ATG7: variants seen among roughly 807,000 people sequenced by gnomAD.
The protein encoded by ATG7 is autophagy related 7, also known as ubiquitin-like modifier-activating enzyme ATG7.
ATG7 carries 70 observed loss-of-function variants against 82.4 expected under a neutral mutation model. That is an observed-to-expected ratio of 0.85 (90% CI 0.70 to 1.04). ATG7 has a LOEUF of 1.04. ATG7 is among the 50% of genes least tolerant of loss of function. The pLI is 0.00. For missense variants in ATG7, 792 were observed against 864.3 expected (o/e 0.92, Z 1.05); for synonymous variants, 287 against 313.0 (o/e 0.92, Z 0.88).
At chr3:11,545,990 T>A (rs1385991141) in intron 20 of ATG7, among the ~76,000 whole-genome samples, 10 of 152,042 alleles carry the variant, frequency 6.6e-5, no homozygotes, top group African/African-American at 2.2e-4. Flanking sequence ...TATAAAAAAT[T>A]AGCTGGTTGT....
At chr3:11,558,843 AAGGC>A, downstream of ATG7, 1 of 1,608,398 alleles carries the variant, frequency 6.2e-7, no homozygotes, top group Non-Finnish European at 8.5e-7. Context: ...GGCAAGCAGG[AAGGC>A]AGGCAGTCAG....
intron 3 of ATG7, among the ~76,000 whole-genome samples, chr3:11,296,406 G>A (rs531791932): frequency 6.6e-6 from 1 of 152,056 alleles, no homozygotes; most frequent in South Asian, 2.1e-4. Context: ...AAGATACCAA[G>A]TTAGGTCACC....
intron 20 of ATG7, among the ~76,000 whole-genome samples, chr3:11,493,800 A>G (rs947169661): frequency 2.0e-5 from 3 of 152,194 alleles, no homozygotes; most frequent in African/African-American, 4.8e-5. Context: ...TGCAAGCACA[A>G]TCTGGGGCAT....
intron 6 of ATG7, among the ~76,000 whole-genome samples, chr3:11,307,271 C>G (rs917503713): frequency 2.6e-5 from 4 of 152,308 alleles, no homozygotes; most frequent in Non-Finnish European, 5.9e-5. Context: ...CATCCAGGCT[C>G]TCACCTGGGA....
At chr3:11,560,415 G>T (rs2072878057), downstream of ATG7, among the ~76,000 whole-genome samples, 1 of 152,210 alleles carries the variant, frequency 6.6e-6, no homozygotes, top group African/African-American at 2.4e-5. Flanking sequence ...GGAGCTGGTT[G>T]AAATCACCCC....
intron 18 of ATG7, among the ~76,000 whole-genome samples, chr3:11,373,064 CT>C (rs371081519): frequency 2.7e-5 from 4 of 150,152 alleles, no homozygotes; most frequent in African/African-American, 9.8e-5. Context: ...AAAGAGTTAA[CT>C]TTTTTTTTGA....
intron 3 of ATG7, among the ~76,000 whole-genome samples, chr3:11,295,557 C>T (rs982777337): frequency 6.6e-6 from 1 of 152,152 alleles, no homozygotes; most frequent in African/African-American, 2.4e-5. Flanking sequence ...TTTAAGCAAT[C>T]TACAATGAAA....
chr3:11,284,966 C>T (rs796415452), intron 3 of ATG7, among the ~76,000 whole-genome samples: 14 of 151,736 alleles, frequency 9.2e-5, no homozygotes, highest in African/African-American at 3.1e-4. Context: ...CCTGCCTCAG[C>T]CTCCCAAGTA....
At chr3:11,518,233 A>G (rs2124889340) in intron 20 of ATG7, among the ~76,000 whole-genome samples, 1 of 136,078 alleles carries the variant, frequency 7.3e-6, no homozygotes, top group East Asian at 2.4e-4. Flanking sequence ...CTGAATGCCA[A>G]GGTCAAGACT....
chr3:11,576,032 TA>T, the ATG7 span, among the ~76,000 whole-genome samples: 1 of 152,256 alleles, frequency 6.6e-6, no homozygotes, highest in Non-Finnish European at 1.5e-5. Flanking sequence ...CAGAACTGTC[TA>T]CATGTGTTTT....
At chr3:11,455,946 T>C (rs1166457254) in intron 20 of ATG7, among the ~76,000 whole-genome samples, 1 of 152,248 alleles carries the variant, frequency 6.6e-6, no homozygotes, top group Non-Finnish European at 1.5e-5. Flanking sequence ...CCCGATGGCA[T>C]TGTCTATATT....
chr3:11,390,314 T>A (rs1229728949), intron 19 of ATG7, among the ~76,000 whole-genome samples: 3 of 152,212 alleles, frequency 2.0e-5, no homozygotes, highest in Non-Finnish European at 4.4e-5. Flanking sequence ...TAGACTAATG[T>A]CTGAGTAAGA....
intron 6 of ATG7, 108 bp downstream of exon 6, chr3:11,307,168 A>T (rs1414530523): frequency 1.0e-6 from 1 of 992,928 alleles, no homozygotes; most frequent in Non-Finnish European, 1.6e-6. Flanking sequence ...ATATGAAGGG[A>T]ACTTAAAGAC....
intron 20 of ATG7, chr3:11,477,172 G>A (rs984532895): frequency 2.3e-6 from 3 of 1,289,546 alleles, no homozygotes; most frequent in Non-Finnish European, 3.0e-6. Flanking sequence ...AGCAGGAGAG[G>A]CAGAACATAA....
chr3:11,285,171 C>CT (rs768654707), intron 3 of ATG7, among the ~76,000 whole-genome samples: 4,779 of 118,298 alleles, frequency 0.04, 139 homozygotes, highest in African/African-American at 0.065. Context: ...AAAGCCCGGC[C>CT]TTTTTTTTTT....
Position 11,556,927 on chromosome 3 carries a change from G to A in ATG7, c.*2084G>A, listed in dbSNP as rs1575329687. ...CTTTTCAAAGGCCTGCAGCCACTCT[G>A]TGACTACAAGAGCCAGTCCTCCGAC... On this transcript the variant is annotated 3_prime_UTR_variant, in exon 21 of 21. Coordinates refer to ENST00000693202, the MANE Select transcript of ATG7 (RefSeq NM_001349232.2). The A allele has an allele frequency of 1.3e-5, 2 of 152,750 alleles. No individual in the cohort carries two copies. Among genetic ancestry groups the A allele is most frequent in the Non-Finnish European group, 2.9e-5 (2 of 68,052 alleles). The allele number at this position is 152,750 out of a possible 1,614,324, so 9.5% of individuals were successfully genotyped here. A position where few individuals can be genotyped will look rare whatever the true frequency, so the allele number is the denominator to read the frequency against.
chr3:11,563,059 C>T, the ATG7 span, among the ~76,000 whole-genome samples: 1 of 152,232 alleles, frequency 6.6e-6, no homozygotes, highest in Admixed American at 6.5e-5. Flanking sequence ...CGAAAACCAA[C>T]TGCAAGATTC....
At chr3:11,575,158 T>C in the ATG7 span, among the ~76,000 whole-genome samples, 1 of 152,148 alleles carries the variant, frequency 6.6e-6, no homozygotes. Flanking sequence ...AGTAGGGACT[T>C]GGGTCCTTGC....
rs374239980 is a variant in ATG7, at chr3:11,395,815, C to T, written c.1956+15763C>T. Among the ~76,000 whole-genome samples, 6 of 151,930 alleles carry T rather than the reference C, an allele frequency of 3.9e-5. No individual in the cohort carries two copies. The South Asian group carries it at 1.0e-3, about 26-fold the overall frequency. Reference sequence around the variant, plus strand: ...ATTAGCCGGGCGTGGTGGTGGGCGCCTGTAGTCCCAGCTACTCGGGAGGCT... The same window carrying T: ...ATTAGCCGGGCGTGGTGGTGGGCGCTTGTAGTCCCAGCTACTCGGGAGGCT... On this transcript the variant is annotated intron_variant, in intron 19 of 20. Coordinates refer to ENST00000693202, the MANE Select transcript of ATG7 (RefSeq NM_001349232.2).
Sources: gnomAD v4.1 joint callset for allele counts (sites outside exome capture counted in the v4.1 genomes callset) on GRCh38, gnomAD v4.1.1 for gene constraint, MANE v1.5 for transcripts, NCBI Gene and HGNC (gene_info 2026-07-23, HGNC 2026-07-21) for gene names.